The following DDX10 variants were observed in gnomAD, a reference collection of about 807,000 sequenced individuals.
The protein encoded by DDX10 is probable ATP-dependent RNA helicase DDX10.
Under a neutral mutation model 104.3 loss-of-function variants are expected in DDX10, and 74 were observed. The ratio of observed to expected loss-of-function variants is 0.71; its 90% CI spans 0.59 to 0.86. The LOEUF (loss-of-function observed/expected upper bound fraction) is 0.86. Among genes scored for constraint, DDX10 ranks in the 40% least tolerant of loss-of-function variants. DDX10 has a pLI of 0.00. For synonymous variants in DDX10, 351 were observed against 353.4 expected (o/e 0.99, Z 0.08); for missense variants, 952 against 1,040.0 (o/e 0.92, Z 1.16).
rs535592413 is a variant in DDX10 at position 108,738,492 on chromosome 11, T to C, written c.1965+15030T>C. 4.5e-4 allele frequency among the ~76,000 whole-genome samples: 69 copies of C among 152,244 alleles called. 1 individual carries two copies. The South Asian group carries it at 0.011, about 25-fold the overall frequency. ...CCTAAAAAGGAGGGAAGAAGAGATA[T>C]TTTATTATCCAAGAATATGCTATCA... On this transcript the variant is annotated intron_variant, in intron 13 of 17. Coordinates refer to ENST00000322536, the MANE Select transcript of DDX10 (RefSeq NM_004398.4).
At chr11:108,737,648 G>A (rs1338077769) in intron 13 of DDX10, among the ~76,000 whole-genome samples, 2 of 152,154 alleles carry the variant, frequency 1.3e-5, no homozygotes, top group Admixed American at 6.5e-5. Flanking sequence ...ATCACTTATT[G>A]CAGCTTTTGG....
intron 16 of DDX10, among the ~76,000 whole-genome samples, chr11:108,908,414 G>A: frequency 6.6e-6 from 1 of 152,094 alleles, no homozygotes. Context: ...AAATTTCAAA[G>A]TTGACATTTT....
At position 108,794,534 on chromosome 11, in the gene DDX10, A is replaced by G. The variant is rs563361193; in HGVS notation, c.1966-43912A>G. Among the ~76,000 whole-genome samples, 6 of 139,988 alleles carry G rather than the reference A, an allele frequency of 4.3e-5. No homozygotes were observed. The South Asian group carries it at 1.5e-3, about 35-fold the overall frequency. 91.8% of individuals were successfully genotyped at this position (139,988 alleles called of 152,430 possible). A position where few individuals can be genotyped will look rare whatever the true frequency, so the allele number is the denominator to read the frequency against. On this transcript the variant is annotated intron_variant, in intron 13 of 17. Coordinates refer to ENST00000322536, the MANE Select transcript of DDX10 (RefSeq NM_004398.4). Reference sequence around the variant, plus strand: ...TTGGAGGTGTCCTTTATCAAGTTGAATAAGTTCCATTTCCTTCTGTTCAGT... The same window carrying G: ...TTGGAGGTGTCCTTTATCAAGTTGAGTAAGTTCCATTTCCTTCTGTTCAGT...
chr11:108,701,973 TGC>T (rs1367256895), intron 9 of DDX10, among the ~76,000 whole-genome samples: 1 of 152,146 alleles, frequency 6.6e-6, no homozygotes, highest in Non-Finnish European at 1.5e-5. Context: ...CGTGAACCAC[TGC>T]GCCTGGCCAA....
At chr11:108,916,431 G>A (rs780376048) in intron 16 of DDX10, among the ~76,000 whole-genome samples, 4 of 151,904 alleles carry the variant, frequency 2.6e-5, no homozygotes, top group Non-Finnish European at 5.9e-5. Context: ...ACTCTCACCA[G>A]GAAAATAATA....
chr11:108,804,195 T>C (rs1378902125), intron 13 of DDX10, among the ~76,000 whole-genome samples: 1 of 152,094 alleles, frequency 6.6e-6, no homozygotes, highest in Non-Finnish European at 1.5e-5. Flanking sequence ...TGGTAACCTG[T>C]TGTATAAAAA....
intron 16 of DDX10, among the ~76,000 whole-genome samples, chr11:108,856,485 A>G (rs1453805998): frequency 1.3e-5 from 2 of 151,458 alleles, no homozygotes; most frequent in Non-Finnish European, 3.0e-5. Flanking sequence ...ACAAAAAACA[A>G]AACAAAAAAA....
intron 10 of DDX10, among the ~76,000 whole-genome samples, chr11:108,714,501 AG>A (rs1315983714): frequency 1.3e-5 from 2 of 149,862 alleles, no homozygotes; most frequent in African/African-American, 4.9e-5. Flanking sequence ...CTCCATCCAT[AG>A]GGAACTGGAT....
intron 16 of DDX10, among the ~76,000 whole-genome samples, chr11:108,865,746 T>C (rs1305169428): frequency 6.6e-6 from 1 of 152,058 alleles, no homozygotes; most frequent in Non-Finnish European, 1.5e-5. Context: ...TTCATTTGTT[T>C]ACTCTACGCA....
At chr11:108,898,848 A>G (rs940094478) in intron 16 of DDX10, among the ~76,000 whole-genome samples, 6 of 152,168 alleles carry the variant, frequency 3.9e-5, no homozygotes. Context: ...TCAAAAGAGT[A>G]GGGGCAAATA....
At chr11:108,848,852 G>A (rs1232347257) in intron 15 of DDX10, among the ~76,000 whole-genome samples, 2 of 152,084 alleles carry the variant, frequency 1.3e-5, no homozygotes, top group Non-Finnish European at 2.9e-5. Flanking sequence ...GAATCAGGGA[G>A]TCTGATAGGA....
intron 2 of DDX10, 22 bp downstream of exon 2, chr11:108,673,549 G>A: frequency 6.5e-7 from 1 of 1,538,388 alleles, no homozygotes. Flanking sequence ...GTGATCTTGG[G>A]ATGTGTTATT....
intron 17 of DDX10, among the ~76,000 whole-genome samples, chr11:108,926,164 AGAGACATAAT>A (rs905354194): frequency 6.6e-6 from 1 of 152,134 alleles, no homozygotes; most frequent in Admixed American, 6.5e-5. Flanking sequence ...ATCTGGGAGA[AGAGACATAAT>A]TATACCTTCT....
intron 6 of DDX10, among the ~76,000 whole-genome samples, chr11:108,681,141 A>G (rs1167442895): frequency 6.6e-6 from 1 of 152,158 alleles, no homozygotes; most frequent in Non-Finnish European, 1.5e-5. Flanking sequence ...TTTAATCATT[A>G]GATGTCTCTA....
chr11:108,683,877 TG>T (rs951884840), intron 6 of DDX10, among the ~76,000 whole-genome samples: 2 of 152,092 alleles, frequency 1.3e-5, no homozygotes, highest in African/African-American at 4.8e-5. Context: ...TTGTTTTTGG[TG>T]GGGGGTGGAG....
At chr11:108,733,989 C>A (rs191616366) in intron 13 of DDX10, among the ~76,000 whole-genome samples, 141 of 152,304 alleles carry the variant, frequency 9.3e-4, no homozygotes, top group African/African-American at 3.1e-3. Flanking sequence ...TCTTCCCACT[C>A]CAGCATTTCA....
intron 9 of DDX10, among the ~76,000 whole-genome samples, chr11:108,695,219 G>A (rs2094258050): frequency 2.6e-5 from 4 of 152,152 alleles, no homozygotes; most frequent in Admixed American, 2.0e-4. Context: ...TTAAGAATTG[G>A]AATTTATTAT....
At chr11:108,700,490 C>G (rs1397177507) in intron 9 of DDX10, among the ~76,000 whole-genome samples, 1 of 152,170 alleles carries the variant, frequency 6.6e-6, no homozygotes, top group Non-Finnish European at 1.5e-5. Flanking sequence ...CCTGCAGCTC[C>G]CATGCAGGGC....
chr11:108,875,319 C>T (rs2134627211), intron 16 of DDX10, among the ~76,000 whole-genome samples: 1 of 152,246 alleles, frequency 6.6e-6, no homozygotes, highest in Non-Finnish European at 1.5e-5. Flanking sequence ...CTATTGAGAA[C>T]TTAATGAGTC....
Sources: allele counts gnomAD v4.1 joint callset (sites outside exome capture counted in the v4.1 genomes callset), GRCh38; gene constraint gnomAD v4.1.1; transcripts MANE v1.5; gene names NCBI Gene and HGNC (gene_info 2026-07-23, HGNC 2026-07-21).